RAPGEF2: variants seen among roughly 807,000 people sequenced by gnomAD.
The protein encoded by RAPGEF2 is PDZ domain containing guanine nucleotide exchange factor (GEF) 1.
Under a neutral mutation model 186.7 loss-of-function variants are expected in RAPGEF2, and 54 were observed. The observed-to-expected ratio is 0.29, with a 90% CI of 0.23 to 0.36. The LOEUF is 0.36. Among genes scored for constraint, RAPGEF2 ranks in the 10% least tolerant of loss-of-function variants. The probability of loss-of-function intolerance (pLI) is 1.00; values close to 1 mark genes in which losing one functional copy is unlikely to be tolerated. For missense variants in RAPGEF2, 1,532 were observed against 2,045.0 expected (o/e 0.75, Z 4.84); for synonymous variants, 712 against 705.9 (o/e 1.01, Z -0.14).
chr4:159,179,233 A>G (rs1196742472), intron 1 of RAPGEF2, among the ~76,000 whole-genome samples: 1 of 152,128 alleles, frequency 6.6e-6, no homozygotes, highest in South Asian at 2.1e-4. Context: ...TTAAAATAGT[A>G]GTAGTCATGT....
rs558466093 is a variant in RAPGEF2, at chr4:159,204,417, G to GA, written c.198-6082dup. On this transcript the variant is annotated intron_variant, in intron 3 of 29. Coordinates refer to ENST00000691494, the MANE Select transcript of RAPGEF2 (RefSeq NM_001394067.2). ...CCTGTCAGGAGCAGCAGGTTATGTTGAGGGGTAGTAGGAAGGAAGGTGGGA... is the reference window on the plus strand; with the variant it reads ...CCTGTCAGGAGCAGCAGGTTATGTTGAAGGGGTAGTAGGAAGGAAGGTGGGA... Among the ~76,000 whole-genome samples, 5 of 152,264 alleles carry GA rather than the reference G, an allele frequency of 3.3e-5. No individual in the cohort carries two copies. In the South Asian group the frequency reaches 1.0e-3, roughly 32 times the overall value.
chr4:159,118,416 T>C (rs1253342107), intron 1 of RAPGEF2, among the ~76,000 whole-genome samples: 1 of 152,144 alleles, frequency 6.6e-6, no homozygotes, highest in Non-Finnish European at 1.5e-5. Context: ...GTATAATTAT[T>C]TCATTATATA....
chr4:159,227,008 A>G (rs752125772), intron 4 of RAPGEF2, among the ~76,000 whole-genome samples: 1 of 152,214 alleles, frequency 6.6e-6, no homozygotes, highest in Non-Finnish European at 1.5e-5. Context: ...AATTATGAAT[A>G]CAGTATTTTT....
At chr4:159,324,606 G>T (rs1454459723) in intron 11 of RAPGEF2, among the ~76,000 whole-genome samples, 1 of 152,078 alleles carries the variant, frequency 6.6e-6, no homozygotes, top group Non-Finnish European at 1.5e-5. Flanking sequence ...GATTTTAGAA[G>T]AGTCATGGAA....
At chr4:159,211,917 G>C (rs555195644) in intron 4 of RAPGEF2, among the ~76,000 whole-genome samples, 2 of 152,116 alleles carry the variant, frequency 1.3e-5, no homozygotes, top group Non-Finnish European at 2.9e-5. Context: ...AGTAGTAGTA[G>C]TAAAGATAGT....
chr4:159,191,624 A>G (rs1257034738), intron 2 of RAPGEF2, among the ~76,000 whole-genome samples: 1 of 152,156 alleles, frequency 6.6e-6, no homozygotes, highest in Non-Finnish European at 1.5e-5. Context: ...CGATAGTCCC[A>G]GCCACTTGGG....
chr4:159,269,381 A>G (rs1757824494), intron 7 of RAPGEF2, among the ~76,000 whole-genome samples: 1 of 151,982 alleles, frequency 6.6e-6, no homozygotes, highest in Non-Finnish European at 1.5e-5. Context: ...GCCCGTTACC[A>G]TGAGGTCCTC....
At chr4:159,260,213 C>T (rs1378990991) in intron 7 of RAPGEF2, among the ~76,000 whole-genome samples, 1 of 151,992 alleles carries the variant, frequency 6.6e-6, no homozygotes, top group East Asian at 1.9e-4. Flanking sequence ...CTCCTAAGCT[C>T]AAGCAATTTG....
chr4:159,220,232 GGTTT>G (rs1349788981), intron 4 of RAPGEF2, among the ~76,000 whole-genome samples: 1 of 152,116 alleles, frequency 6.6e-6, no homozygotes, highest in Non-Finnish European at 1.5e-5. Flanking sequence ...AGTCAAGAGG[GGTTT>G]GTTTCTTCAA....
intron 2 of RAPGEF2, among the ~76,000 whole-genome samples, chr4:159,190,576 G>A (rs1197971269): frequency 6.6e-6 from 1 of 152,204 alleles, no homozygotes; most frequent in Non-Finnish European, 1.5e-5. Context: ...CCGAGACTGG[G>A]TAATTTATAA....
chr4:159,212,488 T>C (rs995561747), intron 4 of RAPGEF2, among the ~76,000 whole-genome samples: 3 of 152,226 alleles, frequency 2.0e-5, no homozygotes, highest in African/African-American at 7.2e-5. Context: ...TTTTTTTCTC[T>C]ACACTTATAT....
At chr4:159,132,905 A>G (rs1366920738) in intron 1 of RAPGEF2, among the ~76,000 whole-genome samples, 1 of 148,162 alleles carries the variant, frequency 6.7e-6, no homozygotes, top group East Asian at 1.9e-4. Flanking sequence ...TGCATAGTTC[A>G]CATGTCAAAA....
intron 8 of RAPGEF2, among the ~76,000 whole-genome samples, chr4:159,305,545 T>C (rs555044683): frequency 6.6e-6 from 1 of 152,270 alleles, no homozygotes; most frequent in East Asian, 1.9e-4. Flanking sequence ...TTGCTGTTGT[T>C]GTTATTCAGT....
intron 4 of RAPGEF2, among the ~76,000 whole-genome samples, chr4:159,236,544 T>G (rs1038841351): frequency 2.6e-5 from 4 of 152,358 alleles, no homozygotes; most frequent in African/African-American, 9.6e-5. Context: ...GTATCAAGTA[T>G]TATATGAACA....
chr4:159,142,739 T>C (rs1213750918), intron 1 of RAPGEF2, among the ~76,000 whole-genome samples: 4 of 152,226 alleles, frequency 2.6e-5, no homozygotes, highest in Non-Finnish European at 5.9e-5. Flanking sequence ...TTCTCTCTTA[T>C]AAATAGTATG....
chr4:159,264,831 T>C (rs569604003), intron 7 of RAPGEF2, among the ~76,000 whole-genome samples: 122 of 152,290 alleles, frequency 8.0e-4, no homozygotes, highest in Non-Finnish European at 1.4e-3. Flanking sequence ...TACTCTGGTA[T>C]CTAGAGTAGA....
Position 159,356,031 on chromosome 4 carries a change from C to T in RAPGEF2, c.4830C>T (p.Ser1610=), listed in dbSNP as rs763647817. ...ARSSDTAGPS[S]VQQPHGHPTS... Reference sequence around the variant, plus strand: ...CCTCCGACACAGCTGGGCCTTCATCCGTACAGCAGCCACATGGGCATCCCA... The same window carrying T: ...CCTCCGACACAGCTGGGCCTTCATCTGTACAGCAGCCACATGGGCATCCCA... Residue 1610 remains serine (S), a synonymous_variant, in exon 29 of 30, where the codon TCC becomes TCT. Transcript: ENST00000691494. 3.1e-6 allele frequency: 5 copies of T among 1,613,966 alleles called. No homozygotes were observed. In the South Asian group the frequency reaches 3.3e-5, roughly 11 times the overall value.
At chr4:159,209,240 A>G (rs1237054590) in intron 3 of RAPGEF2, among the ~76,000 whole-genome samples, 1 of 152,030 alleles carries the variant, frequency 6.6e-6, no homozygotes, top group Admixed American at 6.5e-5. Context: ...ACTTAGAGTA[A>G]TTAGAGACTT....
At chr4:159,114,595 A>T (rs183263812) in intron 1 of RAPGEF2, among the ~76,000 whole-genome samples, 1 of 152,298 alleles carries the variant, frequency 6.6e-6, no homozygotes, top group East Asian at 1.9e-4. Context: ...TATTCCCAAG[A>T]TGGAGTGTAT....
Sources: allele counts gnomAD v4.1 joint callset (sites outside exome capture counted in the v4.1 genomes callset), GRCh38; gene constraint gnomAD v4.1.1; transcripts MANE v1.5; gene names NCBI Gene and HGNC (gene_info 2026-07-23, HGNC 2026-07-21).